SLC7A2: variants seen among roughly 807,000 people sequenced by gnomAD.
SLC7A2 encodes cationic amino acid transporter 2.
SLC7A2 carries 48 observed loss-of-function variants against 58.9 expected under a neutral mutation model. The observed-to-expected ratio is 0.82, with a 90% CI of 0.65 to 1.04. The LOEUF (loss-of-function observed/expected upper bound fraction) is 1.04, where lower values mean the gene tolerates loss of function less well. Among genes scored for constraint, SLC7A2 ranks in the 50% least tolerant of loss-of-function variants. The pLI, the probability that SLC7A2 is intolerant of heterozygous loss-of-function variation, is 0.00. For missense variants in SLC7A2, 1,029 were observed against 818.8 expected (o/e 1.26, Z -3.13); for synonymous variants, 363 against 314.5 (o/e 1.15, Z -1.63).
At chr8:17,502,762 A>C (rs1183314518) in intron 2 of SLC7A2, among the ~76,000 whole-genome samples, 1 of 152,172 alleles carries the variant, frequency 6.6e-6, no homozygotes, top group Non-Finnish European at 1.5e-5. Context: ...GAATCACTTC[A>C]CAAGGTTTTT....
In SLC7A2 at chr8:17,565,362, AT is replaced by A. The variant is rs1803220142; in HGVS notation, c.*217del. The A allele has an allele frequency of 3.7e-6, 2 of 538,818 alleles. No homozygotes were observed. The highest frequency in any genetic ancestry group is 3.8e-5 in the African/African-American group (2 of 52,826). 33.4% of individuals were successfully genotyped at this position (538,818 alleles called of 1,614,324 possible). A position where few individuals can be genotyped will look rare whatever the true frequency, so the allele number is the denominator to read the frequency against. ...TGGAAGTTTCATTCATCAGTGATGA[AT>A]AGCCCCCAAACAGTGGGAGTGTGTA... On this transcript the variant is annotated 3_prime_UTR_variant, in exon 13 of 13. Coordinates refer to ENST00000494857, the MANE Select transcript of SLC7A2 (RefSeq NM_001370338.1).
chr8:17,553,349 C>T (rs1334997272), intron 7 of SLC7A2, among the ~76,000 whole-genome samples: 1 of 152,140 alleles, frequency 6.6e-6, no homozygotes, highest in Non-Finnish European at 1.5e-5. Context: ...CCACACCCGG[C>T]CTTGAGGTTT....
At chr8:17,558,176 T>G in intron 8 of SLC7A2, 119 bp from the exon 9 acceptor site, 1 of 657,090 alleles carries the variant, frequency 1.5e-6, no homozygotes. Context: ...ACACTCTGGT[T>G]GACTTATCCT....
chr8:17,499,064 C>G (rs910872142), intron 1 of SLC7A2: 2 of 152,270 alleles, frequency 1.3e-5, no homozygotes, highest in African/African-American at 4.8e-5. Flanking sequence ...TGTCCCCATT[C>G]TAGGTGGTCT....
Position 17,543,545 on chromosome 8 carries a change from T to C in SLC7A2, c.206T>C (p.Val69Ala), listed in dbSNP as rs373817049. 4 of 1,612,624 alleles carry C rather than the reference T, an allele frequency of 2.5e-6. No homozygotes were observed. The highest frequency in any genetic ancestry group is 3.4e-6 in the Non-Finnish European group (4 of 1,179,308). The part of the protein sequence containing the change: ...VAKADSGPSI[V>A]VSFLIAALAS... Reference sequence around the variant, plus strand: ...AAGGCAGACTCGGGCCCCAGCATCGTGGTGTCCTTCCTCATTGCTGCCCTG... The same window carrying C: ...AAGGCAGACTCGGGCCCCAGCATCGCGGTGTCCTTCCTCATTGCTGCCCTG... The change falls in exon 3 of 13, where the codon GTG (valine) becomes GCG (alanine). Residue 69 changes from valine to alanine, a missense_variant. Val to Ala is a moderately conservative substitution (Grantham distance 64, BLOSUM62 0). Transcript: ENST00000494857.
chr8:17,523,725 C>T (rs901861379), intron 2 of SLC7A2, among the ~76,000 whole-genome samples: 1 of 152,074 alleles, frequency 6.6e-6, no homozygotes, highest in African/African-American at 2.4e-5. Context: ...TGACCAAGAA[C>T]CCAAAAGCAA....
At chr8:17,548,586 G>A in intron 4 of SLC7A2, 92 bp from the exon 5 acceptor site, 1 of 865,776 alleles carries the variant, frequency 1.2e-6, no homozygotes, top group East Asian at 2.5e-5. Context: ...CATGAATGCT[G>A]GTGAAATAAT....
intron 2 of SLC7A2, among the ~76,000 whole-genome samples, chr8:17,503,963 C>T (rs933749182): frequency 1.3e-5 from 2 of 152,152 alleles, no homozygotes; most frequent in East Asian, 3.9e-4. Context: ...CTCAGCAACA[C>T]TCAGGTGTGT....
intron 12 of SLC7A2, among the ~76,000 whole-genome samples, chr8:17,564,008 G>T (rs1366578915): frequency 6.6e-6 from 1 of 152,076 alleles, no homozygotes; most frequent in East Asian, 1.9e-4. Context: ...TTCTAAAATA[G>T]AACTAAAACA....
intron 2 of SLC7A2, chr8:17,511,319 C>T (rs1037605267): frequency 1.3e-5 from 2 of 152,082 alleles, no homozygotes; most frequent in Admixed American, 6.6e-5. Context: ...CTTCTTCATC[C>T]CTAGTCCTGC....
chr8:17,528,883 AAGG>A (rs2150706496), intron 2 of SLC7A2, among the ~76,000 whole-genome samples: 1 of 152,254 alleles, frequency 6.6e-6, no homozygotes, highest in South Asian at 2.1e-4. Context: ...AGAGCTGCAT[AAGG>A]AGAAGACAGG....
chr8:17,497,384 T>C (rs1258260638), intron 1 of SLC7A2, 147 bp downstream of exon 1: 1 of 152,116 alleles, frequency 6.6e-6, no homozygotes, highest in African/African-American at 2.4e-5. Context: ...CGAGTCCAGC[T>C]GCGCGCAGCT....
At position 17,551,673 on chromosome 8, in the gene SLC7A2, C is replaced by T. The variant is rs563903691; in HGVS notation, c.833-91C>T. 621 of 924,780 alleles carry T rather than the reference C, an allele frequency of 6.7e-4. 2 individuals are homozygous for T. Among genetic ancestry groups the T allele is most frequent in the Non-Finnish European group, 9.2e-4 (512 of 557,926 alleles). 57.3% of individuals were successfully genotyped at this position (924,780 alleles called of 1,614,324 possible). A position where few individuals can be genotyped will look rare whatever the true frequency, so the allele number is the denominator to read the frequency against. On this transcript the variant is annotated intron_variant, in intron 6 of 12. Coordinates refer to ENST00000494857, the MANE Select transcript of SLC7A2 (RefSeq NM_001370338.1). ...AGGGACAAAAGCAGAGGAGAACTACCCTGGAGAAGAGGAAGAATTTCACAC... is the reference window on the plus strand; with the variant it reads ...AGGGACAAAAGCAGAGGAGAACTACTCTGGAGAAGAGGAAGAATTTCACAC...
At position 17,568,495 on chromosome 8, in the gene SLC7A2, C is replaced by G. The variant is rs753349231; in HGVS notation, c.*3349C>G. ...ATTAATATATAGAACTTTACCATCACCAGCCGTAGTTGATAGAAAATATTA... is the reference window on the plus strand; with the variant it reads ...ATTAATATATAGAACTTTACCATCAGCAGCCGTAGTTGATAGAAAATATTA... On this transcript the variant is annotated 3_prime_UTR_variant, in exon 13 of 13. Coordinates refer to ENST00000494857, the MANE Select transcript of SLC7A2 (RefSeq NM_001370338.1). 1 of 152,044 alleles carries G rather than the reference C, an allele frequency of 6.6e-6. No homozygotes were observed. The highest frequency in any genetic ancestry group is 1.5e-5 in the Non-Finnish European group (1 of 68,014). 9.4% of individuals were successfully genotyped at this position (152,044 alleles called of 1,614,324 possible). A position where few individuals can be genotyped will look rare whatever the true frequency, so the allele number is the denominator to read the frequency against.
rs559642965 is a variant in SLC7A2 at position 17,514,864 on chromosome 8, A to G, written c.-23+12562A>G. Among the ~76,000 whole-genome samples the G allele has an allele frequency of 5.9e-5, 9 of 152,308 alleles. No homozygotes were observed. The South Asian group carries it at 8.3e-4, about 14-fold the overall frequency. ...GTTTTACTGAAATGAGAAAGATAAA[A>G]TCTTCTCTTAGTTTAGAATATGAAT... On this transcript the variant is annotated intron_variant, in intron 2 of 12. Coordinates refer to ENST00000494857, the MANE Select transcript of SLC7A2 (RefSeq NM_001370338.1).
At chr8:17,519,400 C>T (rs1443969922) in intron 2 of SLC7A2, among the ~76,000 whole-genome samples, 1 of 152,178 alleles carries the variant, frequency 6.6e-6, no homozygotes, top group African/African-American at 2.4e-5. Context: ...CAGAACTCTT[C>T]TGAAATTATA....
At position 17,567,521 on chromosome 8, in the gene SLC7A2, T is replaced by C. The variant is rs1171616505; in HGVS notation, c.*2375T>C. ...TTTCTGTGAAGACTCAACGGATGTG[T>C]GTGTTTGTATGTTTGTTAACAGTTA... is the stretch of plus-strand genomic sequence containing the variant. On this transcript the variant is annotated 3_prime_UTR_variant, in exon 13 of 13. Transcript: ENST00000494857. The C allele has an allele frequency of 6.6e-6, 1 of 152,564 alleles. No individual in the cohort carries two copies. The highest frequency in any genetic ancestry group is 1.5e-5 in the Non-Finnish European group (1 of 68,024). The allele number at this position is 152,564 out of a possible 1,614,324, so 9.5% of individuals were successfully genotyped here.
At chr8:17,524,607 A>G (rs1183961744) in intron 2 of SLC7A2, among the ~76,000 whole-genome samples, 2 of 152,116 alleles carry the variant, frequency 1.3e-5, no homozygotes, top group Non-Finnish European at 2.9e-5. Context: ...GAGCTAAGCT[A>G]TGAGGACACA....
intron 2 of SLC7A2, among the ~76,000 whole-genome samples, chr8:17,528,433 G>A (rs545916278): frequency 2.6e-5 from 4 of 152,050 alleles, no homozygotes; most frequent in African/African-American, 9.6e-5. Flanking sequence ...TGCCCAGGCC[G>A]GAGTGCAGTG....
Sources: allele counts gnomAD v4.1 joint callset (sites outside exome capture counted in the v4.1 genomes callset), GRCh38; gene constraint gnomAD v4.1.1; transcripts MANE v1.5; gene names NCBI Gene and HGNC (gene_info 2026-07-23, HGNC 2026-07-21).